The following CPSF7 variants were observed in gnomAD, a reference collection of about 807,000 sequenced individuals.
CPSF7 encodes the protein cleavage and polyadenylation specific factor 7.
Under a neutral mutation model 44.3 loss-of-function variants are expected in CPSF7, and 1 was observed. The observed-to-expected ratio is 0.02, with a 90% CI of 0.01 to 0.11. The LOEUF (loss-of-function observed/expected upper bound fraction) is 0.11, where lower values mean the gene tolerates loss of function less well. CPSF7 is among the 10% of genes least tolerant of loss of function. The pLI is 1.00. For missense variants in CPSF7, 443 were observed against 607.2 expected, an observed-to-expected ratio of 0.73 and a Z score of 2.84; for synonymous variants, 202 against 222.0, an observed-to-expected ratio of 0.91 and a Z score of 0.80.
At position 61,429,915 on chromosome 11, in the gene CPSF7, G is replaced by A. The variant is rs1441130132; in HGVS notation, c.-57C>T. On this transcript the variant is annotated splice_region_variant and 5_prime_UTR_variant, in exon 1 of 10. Transcript: ENST00000439958. ...CCCCCGACCGCGCGCCCCCGTTACC[G>A]GGAATATGGCGGCGGCGGCGGCGAG... 4.7e-6 allele frequency: 7 copies of A among 1,487,554 alleles called. No homozygotes were observed. Among genetic ancestry groups the A allele is most frequent in the South Asian group, 2.5e-5 (2 of 80,362 alleles). The allele number at this position is 1,487,554 out of a possible 1,614,324, so 92.1% of individuals were successfully genotyped here. A position where few individuals can be genotyped will look rare whatever the true frequency, so the allele number is the denominator to read the frequency against.
At chr11:61,416,645 A>C in intron 5 of CPSF7, 126 bp from the exon 6 acceptor site, 1 of 956,932 alleles carries the variant, frequency 1.0e-6, no homozygotes, top group Non-Finnish European at 1.6e-6. Flanking sequence ...AGAAGGTAAA[A>C]TCATCTACTG....
At position 61,416,225 on chromosome 11, in the gene CPSF7, G is replaced by A; in HGVS notation, c.818C>T (p.Pro273Leu). 2 of 1,532,138 alleles carry A rather than the reference G, an allele frequency of 1.3e-6. No individual in the cohort carries two copies. Among genetic ancestry groups the A allele is most frequent in the Non-Finnish European group, 1.8e-6 (2 of 1,141,420 alleles). The allele number at this position is 1,532,138 out of a possible 1,614,324, so 94.9% of individuals were successfully genotyped here. Residue 273 changes from proline (P) to leucine (L), a missense_variant, in exon 6 of 10, where the codon CCT becomes CTT. Physicochemically the swap from Pro to Leu is moderately conservative, Grantham distance 98 (BLOSUM62 -3). Coordinates refer to ENST00000439958, the MANE Select transcript of CPSF7 (RefSeq NM_001142565.3). ...GTGAAGGGCAGGTGGGATGGCCCCA[G>A]GGGGAGGTACAGCAAGATGAGGAGG... ...RLPPHLAVPP[P>L]GAIPPALHLN...
chr11:61,417,215 T>G (rs950099874), intron 5 of CPSF7, among the ~76,000 whole-genome samples: 41 of 152,206 alleles, frequency 2.7e-4, no homozygotes, highest in African/African-American at 7.7e-4. Context: ...TAGCAAAAGC[T>G]TGCTACAAAA....
rs1209432471 is a variant in CPSF7 at position 61,416,318 on chromosome 11, C to T, written c.725G>A (p.Ser242Asn). 1.9e-6 allele frequency: 3 copies of T among 1,556,920 alleles called. No homozygotes were observed. The highest frequency in any genetic ancestry group is 2.6e-6 in the Non-Finnish European group (3 of 1,151,710). The part of the protein sequence containing the change: ...PIPPPPPLSS[S>N]FGVPPPPPGI... Reference sequence around the variant, plus strand: ...AGGAGGAGGAGGAGGGACCCCAAAGCTTGAGGAGAGAGGTGGTGGGGGTGG... The same window carrying T: ...AGGAGGAGGAGGAGGGACCCCAAAGTTTGAGGAGAGAGGTGGTGGGGGTGG... Residue 242 changes from serine to asparagine, a missense_variant, in exon 6 of 10, where the codon AGC becomes AAC. Ser to Asn is a conservative substitution (Grantham distance 46). Coordinates refer to ENST00000439958, the MANE Select transcript of CPSF7 (RefSeq NM_001142565.3).
intron 9 of CPSF7, among the ~76,000 whole-genome samples, chr11:61,409,212 G>A (rs372789920): frequency 1.5e-4 from 22 of 151,656 alleles, no homozygotes; most frequent in African/African-American, 5.1e-4. Context: ...GGTGGCTCAC[G>A]CCTGTAATCC....
In CPSF7 at chr11:61,404,106, GTGA is replaced by G. The variant is rs1565095037; in HGVS notation, c.*601_*603del. ...GGTCAAAGAAATAAACCGTCAATAC[GTGA>G]GAGGGAAAGCAGGAACAGAAGTAGC... On this transcript the variant is annotated 3_prime_UTR_variant, in exon 10 of 10. Coordinates refer to ENST00000439958, the MANE Select transcript of CPSF7 (RefSeq NM_001142565.3). 9 of 152,760 alleles carry G rather than the reference GTGA, an allele frequency of 5.9e-5. No homozygotes were observed. Among genetic ancestry groups the G allele is most frequent in the African/African-American group, 2.2e-4 (9 of 41,566 alleles). The allele number at this position is 152,760 out of a possible 1,614,324, so 9.5% of individuals were successfully genotyped here. A position where few individuals can be genotyped will look rare whatever the true frequency, so the allele number is the denominator to read the frequency against.
In CPSF7 at chr11:61,415,629, G is replaced by T. The variant is rs757996507; in HGVS notation, c.1057+37C>A. ...ACAAAATCAGGAAAAAAAAGTAAAG[G>T]TTAAGGAGAAGGCAGCAAAGGTAAG... On this transcript the variant is annotated intron_variant, in intron 7 of 9. Coordinates refer to ENST00000439958, the MANE Select transcript of CPSF7 (RefSeq NM_001142565.3). 12 of 1,357,826 alleles carry T rather than the reference G, an allele frequency of 8.8e-6. No homozygotes were observed. In the Admixed American group the frequency reaches 1.7e-4, roughly 19 times the overall value. The allele number at this position is 1,357,826 out of a possible 1,614,324, so 84.1% of individuals were successfully genotyped here.
In CPSF7 at chr11:61,429,577, G is replaced by A. The variant is rs1861750074; in HGVS notation, c.-55-287C>T. ...CACCCTCGGGTCCTAGTGGCCCTAG[G>A]ACGGCGTTGCGAAGAATGACCGCGG... On this transcript the variant is annotated intron_variant, in intron 1 of 9. Transcript: ENST00000439958. 80 of 677,266 alleles carry A rather than the reference G, an allele frequency of 1.2e-4. No individual in the cohort carries two copies. In the South Asian group the frequency reaches 1.5e-3, roughly 13 times the overall value. 42.0% of individuals were successfully genotyped at this position (677,266 alleles called of 1,614,324 possible). A position where few individuals can be genotyped will look rare whatever the true frequency, so the allele number is the denominator to read the frequency against.
intron 9 of CPSF7, among the ~76,000 whole-genome samples, chr11:61,406,967 A>G (rs1022232652): frequency 2.6e-5 from 4 of 152,054 alleles, no homozygotes; most frequent in Admixed American, 2.6e-4. Context: ...GGTAGAGACG[A>G]GTGTTTTGCC....
chr11:61,418,741 C>G (rs988039975), intron 5 of CPSF7, among the ~76,000 whole-genome samples: 2 of 150,256 alleles, frequency 1.3e-5, no homozygotes, highest in African/African-American at 4.9e-5. Flanking sequence ...TTTTTTGAGA[C>G]AGAGTCTCAC....
chr11:61,411,185 T>C (rs1291626238), intron 8 of CPSF7, 80 bp from the exon 9 acceptor site: 9 of 1,423,376 alleles, frequency 6.3e-6, no homozygotes, highest in African/African-American at 2.9e-5. Flanking sequence ...TGTCTTCTGA[T>C]ATTTGCCTAA....
rs1282244151 is a variant in CPSF7 at position 61,404,522 on chromosome 11, T to A, written c.*188A>T. On this transcript the variant is annotated 3_prime_UTR_variant, in exon 10 of 10. Coordinates refer to ENST00000439958, the MANE Select transcript of CPSF7 (RefSeq NM_001142565.3). ...TCTTTCCCCTGGCAAACAGGAGGTGTGGGATTGGGAGGACTGCCAAGCAGT... is the reference window on the plus strand; with the variant it reads ...TCTTTCCCCTGGCAAACAGGAGGTGAGGGATTGGGAGGACTGCCAAGCAGT... 1 of 152,454 alleles carries A rather than the reference T, an allele frequency of 6.6e-6. No individual in the cohort carries two copies. Among genetic ancestry groups the A allele is most frequent in the African/African-American group, 2.4e-5 (1 of 41,374 alleles). The allele number at this position is 152,454 out of a possible 1,614,324, so 9.4% of individuals were successfully genotyped here. A position where few individuals can be genotyped will look rare whatever the true frequency, so the allele number is the denominator to read the frequency against.
At chr11:61,410,090 C>T (rs969756870) in intron 9 of CPSF7, among the ~76,000 whole-genome samples, 1 of 151,796 alleles carries the variant, frequency 6.6e-6, no homozygotes, top group Non-Finnish European at 1.5e-5. Context: ...CATGAGGCAC[C>T]CACCCGCCCC....
rs75017894 is a variant in CPSF7 at position 61,416,639 on chromosome 11, G to A, written c.524-120C>T. On this transcript the variant is annotated intron_variant, in intron 5 of 9. Transcript: ENST00000439958. The stretch of plus-strand genomic sequence containing the variant: ...GGAAGGTGACTAAAGAGGCTGAGAA[G>A]GTAAAATCATCTACTGCCTTTTTTT... 1.6e-3 allele frequency: 1,626 copies of A among 1,042,734 alleles called. 17 individuals carry two copies. The African/African-American group carries it at 0.022, about 14-fold the overall frequency. 64.6% of individuals were successfully genotyped at this position (1,042,734 alleles called of 1,614,324 possible).
At chr11:61,424,552 AAGTG>A (rs899467427) in intron 2 of CPSF7, among the ~76,000 whole-genome samples, 27 of 152,172 alleles carry the variant, frequency 1.8e-4, no homozygotes, top group Admixed American at 1.5e-3. Flanking sequence ...TCCTGGGTTC[AAGTG>A]ATTCTCCTGC....
rs1861804487 is a variant in CPSF7, at chr11:61,429,916, G to A, written c.-58C>T. On this transcript the variant is annotated splice_region_variant and 5_prime_UTR_variant, in exon 1 of 10. Coordinates refer to ENST00000439958, the MANE Select transcript of CPSF7 (RefSeq NM_001142565.3). Reference sequence around the variant, plus strand: ...CCCCGACCGCGCGCCCCCGTTACCGGGAATATGGCGGCGGCGGCGGCGAGT... The same window carrying A: ...CCCCGACCGCGCGCCCCCGTTACCGAGAATATGGCGGCGGCGGCGGCGAGT... 1.3e-6 allele frequency: 2 copies of A among 1,481,954 alleles called. No individual in the cohort carries two copies. Among genetic ancestry groups the A allele is most frequent in the East Asian group, 2.6e-5 (1 of 38,840 alleles). 91.8% of individuals were successfully genotyped at this position (1,481,954 alleles called of 1,614,324 possible).
At chr11:61,415,598 G>A (rs1321502722) in intron 7 of CPSF7, 68 bp downstream of exon 7, 5 of 1,041,896 alleles carry the variant, frequency 4.8e-6, no homozygotes, top group Admixed American at 3.6e-5. Flanking sequence ...TTTGCCAGTA[G>A]AAATGACAAA....
At chr11:61,423,576 C>G (rs1207601870) in intron 2 of CPSF7, among the ~76,000 whole-genome samples, 6 of 152,172 alleles carry the variant, frequency 3.9e-5, no homozygotes, top group Non-Finnish European at 8.8e-5. Flanking sequence ...ATGACAGAGA[C>G]AGCAAGTAGT....
intron 2 of CPSF7, among the ~76,000 whole-genome samples, chr11:61,425,319 G>C (rs1861251675): frequency 6.6e-6 from 1 of 152,172 alleles, no homozygotes; most frequent in Non-Finnish European, 1.5e-5. Flanking sequence ...TTTCTCAGCG[G>C]ATTTATGCAG....
Sources: gnomAD v4.1 joint callset for allele counts (sites outside exome capture counted in the v4.1 genomes callset) on GRCh38, gnomAD v4.1.1 for gene constraint, MANE v1.5 for transcripts, NCBI Gene and HGNC (gene_info 2026-07-23, HGNC 2026-07-21) for gene names.